SIK2: variants seen among roughly 807,000 people sequenced by gnomAD.
The protein encoded by SIK2 is salt inducible kinase 2, also known as serine/threonine-protein kinase SIK2.
SIK2 carries 29 observed loss-of-function variants against 103.2 expected under a neutral mutation model. That is an observed-to-expected ratio of 0.28 (90% CI 0.21 to 0.38). The LOEUF (loss-of-function observed/expected upper bound fraction) is 0.38, where lower values mean the gene tolerates loss of function less well. Ranked by LOEUF, SIK2 falls within the 10% of genes least tolerant of loss-of-function variation. The pLI, the probability that SIK2 is intolerant of heterozygous loss-of-function variation, is 1.00. For synonymous variants in SIK2, 412 were observed against 446.1 expected, an observed-to-expected ratio of 0.92 and a Z score of 0.96; for missense variants, 879 against 1,171.0, an observed-to-expected ratio of 0.75 and a Z score of 3.64.
intron 8 of SIK2, among the ~76,000 whole-genome samples, chr11:111,707,708 T>C (rs1442404681): frequency 6.6e-6 from 1 of 152,234 alleles, no homozygotes; most frequent in African/African-American, 2.4e-5. Context: ...CTTTAATTCC[T>C]TGATGTTCTA....
At chr11:111,676,604 G>T (rs1443593572) in intron 3 of SIK2, among the ~76,000 whole-genome samples, 1 of 152,156 alleles carries the variant, frequency 6.6e-6, no homozygotes, top group East Asian at 1.9e-4. Flanking sequence ...AGAAGTAAAA[G>T]AGATATATTT....
At chr11:111,641,057 C>T (rs2135856069) in intron 3 of SIK2, among the ~76,000 whole-genome samples, 1 of 151,996 alleles carries the variant, frequency 6.6e-6, no homozygotes, top group East Asian at 1.9e-4. Flanking sequence ...CCTTTTTAGT[C>T]CTCACCCTCT....
chr11:111,621,102 T>G (rs1941878225), intron 3 of SIK2, among the ~76,000 whole-genome samples: 1 of 152,234 alleles, frequency 6.6e-6, no homozygotes, highest in Admixed American at 6.5e-5. Flanking sequence ...ATAATTCATA[T>G]GTAGTAAATT....
intron 2 of SIK2, among the ~76,000 whole-genome samples, chr11:111,619,344 A>G (rs1286544867): frequency 6.6e-6 from 1 of 152,114 alleles, no homozygotes; most frequent in Non-Finnish European, 1.5e-5. Flanking sequence ...AAAATTGTTC[A>G]TCTTGAATCT....
chr11:111,676,872 C>A (rs989410701), intron 3 of SIK2, among the ~76,000 whole-genome samples: 2 of 152,160 alleles, frequency 1.3e-5, no homozygotes, highest in Non-Finnish European at 2.9e-5. Flanking sequence ...ATATAGCTAT[C>A]TGGATGTATT....
intron 3 of SIK2, among the ~76,000 whole-genome samples, chr11:111,660,594 A>C (rs563960919): frequency 6.6e-6 from 1 of 152,384 alleles, no homozygotes; most frequent in Admixed American, 6.5e-5. Flanking sequence ...CTGAAATCTT[A>C]TAGATACAGT....
chr11:111,615,857 A>G (rs983894784), intron 1 of SIK2, among the ~76,000 whole-genome samples: 3 of 152,226 alleles, frequency 2.0e-5, no homozygotes, highest in Non-Finnish European at 4.4e-5. Context: ...TATCTTCCGA[A>G]CTGTCTTCTA....
intron 3 of SIK2, among the ~76,000 whole-genome samples, chr11:111,680,767 G>A (rs554128051): frequency 6.6e-6 from 1 of 152,338 alleles, no homozygotes; most frequent in Admixed American, 6.5e-5. Context: ...CAGTGACGAC[G>A]ATGATGATAG....
chr11:111,642,921 T>G (rs499750), intron 3 of SIK2, among the ~76,000 whole-genome samples: 89,374 of 151,556 alleles, frequency 0.59, 30,363 homozygotes, highest in East Asian at 0.96. Context: ...ACCAAATATA[T>G]ATTCTTATTG....
At chr11:111,678,919 G>A (rs891398813) in intron 3 of SIK2, among the ~76,000 whole-genome samples, 1 of 152,138 alleles carries the variant, frequency 6.6e-6, no homozygotes, top group Non-Finnish European at 1.5e-5. Context: ...CAAAATTTGG[G>A]GTTTTTTACT....
chr11:111,717,926 A>G (rs531034478), intron 9 of SIK2, among the ~76,000 whole-genome samples: 1 of 152,130 alleles, frequency 6.6e-6, no homozygotes, highest in Non-Finnish European at 1.5e-5. Flanking sequence ...TAGGGGGGCA[A>G]TGGGAGGGAG....
At chr11:111,681,522 T>C (rs1000521459) in intron 3 of SIK2, among the ~76,000 whole-genome samples, 2 of 152,216 alleles carry the variant, frequency 1.3e-5, no homozygotes, top group African/African-American at 2.4e-5. Context: ...TCCTTTGTAG[T>C]CATTTATTAT....
intron 9 of SIK2, among the ~76,000 whole-genome samples, chr11:111,712,842 G>A (rs1278737077): frequency 4.6e-5 from 7 of 152,162 alleles, no homozygotes; most frequent in Admixed American, 3.9e-4. Flanking sequence ...TTATACATGT[G>A]TTTTTGTCCA....
rs1941977215 is a variant in SIK2 at position 111,627,555 on chromosome 11, C to A, written c.316+7153C>A. On this transcript the variant is annotated intron_variant, in intron 3 of 14. Transcript: ENST00000304987. ...CACTGGAGGTCTTAGAACACAGCCC[C>A]TGCAGATAAGCGGGGACTACTGTAT... Among the ~76,000 whole-genome samples, 2 of 152,104 alleles carry A rather than the reference C, an allele frequency of 1.3e-5. 1 individual carries two copies. Among genetic ancestry groups the A allele is most frequent in the South Asian group, 4.2e-4 (2 of 4,814 alleles).
At position 111,726,906 on chromosome 11, in the gene SIK2, CA is replaced by C; in HGVS notation, c.*2782del. ...AACGTGAGGTAAAAATTTCGTTCGG[CA>C]AAAAGTGCAATATGTGTGGTACTTT... On this transcript the variant is annotated 3_prime_UTR_variant, in exon 15 of 15. Coordinates refer to ENST00000304987, the MANE Select transcript of SIK2 (RefSeq NM_015191.3). The C allele has an allele frequency of 1.3e-6, 2 of 1,564,240 alleles. No individual in the cohort carries two copies. Among genetic ancestry groups the C allele is most frequent in the Non-Finnish European group, 1.8e-6 (2 of 1,138,468 alleles).
Position 111,727,167 on chromosome 11 carries a change from CTTCT to C in SIK2, c.*3039_*3042del. 1 of 854,588 alleles carries C rather than the reference CTTCT, an allele frequency of 1.2e-6. No individual in the cohort carries two copies. The highest frequency in any genetic ancestry group is 1.5e-5 in the South Asian group (1 of 67,840). The allele number at this position is 854,588 out of a possible 1,614,324, so 52.9% of individuals were successfully genotyped here. ...CCCTCGCCACCTCTGCCTGCACTGC[CTTCT>C]GTCACCGTGGGAAAAGGAGGCTGAT... On this transcript the variant is annotated 3_prime_UTR_variant, in exon 15 of 15. Coordinates refer to ENST00000304987, the MANE Select transcript of SIK2 (RefSeq NM_015191.3).
At chr11:111,721,404 C>T (rs539125336) in intron 12 of SIK2, among the ~76,000 whole-genome samples, 5 of 152,326 alleles carry the variant, frequency 3.3e-5, no homozygotes, top group African/African-American at 1.2e-4. Flanking sequence ...AAATGAACTA[C>T]ACCCAAATGA....
chr11:111,682,043 T>C (rs1267425128), intron 3 of SIK2, among the ~76,000 whole-genome samples: 2 of 152,144 alleles, frequency 1.3e-5, no homozygotes. Flanking sequence ...TTGAGAACCA[T>C]GATATTAGGA....
chr11:111,727,260 G>T lies in SIK2; in HGVS notation c.*3131G>T. Reference sequence around the variant, plus strand: ...GAGAGCATCAGGGCCCACCAGGGGAGTGGGGATGGGGCTCAGGGGCTGTTC... The same window carrying T: ...GAGAGCATCAGGGCCCACCAGGGGATTGGGGATGGGGCTCAGGGGCTGTTC... On this transcript the variant is annotated 3_prime_UTR_variant, in exon 15 of 15. Transcript: ENST00000304987. The T allele has an allele frequency of 1.7e-6, 1 of 596,160 alleles. No homozygotes were observed. The highest frequency in any genetic ancestry group is 3.0e-6 in the Non-Finnish European group (1 of 334,334). The allele number at this position is 596,160 out of a possible 1,614,324, so 36.9% of individuals were successfully genotyped here. A position where few individuals can be genotyped will look rare whatever the true frequency, so the allele number is the denominator to read the frequency against.
Sources: gnomAD v4.1 joint callset for allele counts (sites outside exome capture counted in the v4.1 genomes callset) on GRCh38, gnomAD v4.1.1 for gene constraint, MANE v1.5 for transcripts, NCBI Gene and HGNC (gene_info 2026-07-23, HGNC 2026-07-21) for gene names.